Variants in EIF4G3 observed in about 807,000 individuals in gnomAD.
EIF4G3 encodes the protein eIF-4-gamma 3.
In EIF4G3, 34 loss-of-function variants were observed where a neutral mutation model predicts 186.4. The ratio of observed to expected loss-of-function variants is 0.18; its 90% CI spans 0.14 to 0.24. The LOEUF (loss-of-function observed/expected upper bound fraction) is 0.24, where lower values mean the gene tolerates loss of function less well. EIF4G3 is among the 10% of genes least tolerant of loss of function. EIF4G3 has a pLI of 1.00. For synonymous variants in EIF4G3, 673 were observed against 679.5 expected (o/e 0.99, Z 0.15); for missense variants, 1,536 against 1,948.5 (o/e 0.79, Z 3.99).
At chr1:21,164,343 T>A (rs1020093056) in intron 2 of EIF4G3, among the ~76,000 whole-genome samples, 1 of 152,142 alleles carries the variant, frequency 6.6e-6, no homozygotes, top group Admixed American at 6.6e-5. Context: ...TAAAAAAGGA[T>A]AGAAATGGTC....
chr1:21,062,784 T>C (rs2094992508), intron 3 of EIF4G3, among the ~76,000 whole-genome samples: 2 of 151,968 alleles, frequency 1.3e-5, no homozygotes, highest in African/African-American at 4.8e-5. Flanking sequence ...AGAAACAGGG[T>C]TTTACCATGT....
At chr1:21,009,132 T>C (rs2086199317) in intron 4 of EIF4G3, among the ~76,000 whole-genome samples, 1 of 152,224 alleles carries the variant, frequency 6.6e-6, no homozygotes, top group African/African-American at 2.4e-5. Context: ...GCTTTAAAAT[T>C]TCTCTTTATA....
intron 30 of EIF4G3, among the ~76,000 whole-genome samples, chr1:20,834,520 T>C (rs947305011): frequency 1.3e-5 from 2 of 151,946 alleles, no homozygotes; most frequent in African/African-American, 4.8e-5. Context: ...AGGACATTCA[T>C]AGACTGAAAA....
At chr1:21,030,331 C>A (rs2092625321) in intron 4 of EIF4G3, among the ~76,000 whole-genome samples, 1 of 152,154 alleles carries the variant, frequency 6.6e-6, no homozygotes, top group Non-Finnish European at 1.5e-5. Context: ...GGAGGCAGGT[C>A]TTTTCCTGTG....
At chr1:20,899,555 G>A in intron 16 of EIF4G3, 142 bp downstream of exon 16, 1 of 1,005,998 alleles carries the variant, frequency 9.9e-7, no homozygotes, top group Non-Finnish European at 1.4e-6. Flanking sequence ...TCACTAACTT[G>A]GGCTTGCTGA....
intron 2 of EIF4G3, among the ~76,000 whole-genome samples, chr1:21,122,492 T>G (rs1221726822): frequency 1.3e-5 from 2 of 152,264 alleles, no homozygotes; most frequent in Non-Finnish European, 2.9e-5. Flanking sequence ...TTACTTTTTT[T>G]GCATGTCATA....
At chr1:20,935,566 A>C (rs1427610111) in intron 14 of EIF4G3, among the ~76,000 whole-genome samples, 1 of 152,198 alleles carries the variant, frequency 6.6e-6, no homozygotes, top group East Asian at 1.9e-4. Context: ...TAAATTTTTA[A>C]GGATACATAA....
chr1:21,033,938 A>T (rs112288243), intron 4 of EIF4G3, among the ~76,000 whole-genome samples: 162 of 152,240 alleles, frequency 1.1e-3, no homozygotes, highest in African/African-American at 3.8e-3. Flanking sequence ...AAATTTTACA[A>T]ATTAGCTGGG....
rs1293882608 is a variant in EIF4G3, at chr1:21,117,735, G to GT, written c.-271-28523dup. Among the ~76,000 whole-genome samples, 69 of 20,708 alleles carry GT rather than the reference G, an allele frequency of 3.3e-3. 1 individual carries two copies. The East Asian group carries it at 0.048, about 14-fold the overall frequency. 13.6% of individuals were successfully genotyped at this position (20,708 alleles called of 152,430 possible). A position where few individuals can be genotyped will look rare whatever the true frequency, so the allele number is the denominator to read the frequency against. ...AGGCCTTTCACTGTCCCAGTATATA[G>GT]TAAAAAAAAAAAAAAAAAAAAAAAA... is the stretch of plus-strand genomic sequence containing the variant. On this transcript the variant is annotated intron_variant, in intron 2 of 36. Coordinates refer to ENST00000602326, the MANE Select transcript of EIF4G3 (RefSeq NM_001391906.1).
At chr1:21,115,108 T>C (rs2102259616) in intron 2 of EIF4G3, among the ~76,000 whole-genome samples, 1 of 152,350 alleles carries the variant, frequency 6.6e-6, no homozygotes, top group East Asian at 1.9e-4. Context: ...TATCATGTGT[T>C]CACTGGAGCA....
chr1:20,944,378 G>C (rs1352879644), intron 13 of EIF4G3, among the ~76,000 whole-genome samples: 1 of 152,038 alleles, frequency 6.6e-6, no homozygotes, highest in Non-Finnish European at 1.5e-5. Context: ...AGCCAGGTGA[G>C]GTGGCGCAGA....
At chr1:20,838,231 A>T (rs1363371194) in intron 30 of EIF4G3, among the ~76,000 whole-genome samples, 2 of 152,316 alleles carry the variant, frequency 1.3e-5, no homozygotes, top group East Asian at 3.9e-4. Context: ...CACAAGTTCA[A>T]TTATAGCCAA....
intron 7 of EIF4G3, among the ~76,000 whole-genome samples, chr1:20,992,901 C>T (rs1003471785): frequency 2.0e-5 from 3 of 152,062 alleles, no homozygotes; most frequent in South Asian, 4.1e-4. Context: ...CCAAATTATA[C>T]CAAGTGGCTT....
At chr1:20,815,419 G>A (rs1316727967) in intron 34 of EIF4G3, among the ~76,000 whole-genome samples, 2 of 142,738 alleles carry the variant, frequency 1.4e-5, no homozygotes, top group Admixed American at 7.0e-5. Context: ...AGTGGGGAGC[G>A]CCTCTGCCCC....
At chr1:21,169,528 T>C (rs2097917585) in intron 2 of EIF4G3, 1 of 152,190 alleles carries the variant, frequency 6.6e-6, no homozygotes, top group Non-Finnish European at 1.5e-5. Context: ...TTTTTTACTT[T>C]TCTATATTTT....
intron 4 of EIF4G3, among the ~76,000 whole-genome samples, chr1:21,029,279 C>T (rs2092498720): frequency 6.6e-6 from 1 of 152,096 alleles, no homozygotes; most frequent in Non-Finnish European, 1.5e-5. Flanking sequence ...CTCAGCCTCC[C>T]AAAGTGCTGG....
At chr1:21,071,826 A>AG (rs1425234319) in intron 3 of EIF4G3, among the ~76,000 whole-genome samples, 3 of 151,804 alleles carry the variant, frequency 2.0e-5, no homozygotes, top group African/African-American at 7.2e-5. Flanking sequence ...AAAGAGAGAG[A>AG]GGAAAAAAAA....
chr1:20,938,549 C>T lies in EIF4G3; in HGVS notation c.1663+2942G>A, dbSNP rs898643559. On this transcript the variant is annotated intron_variant, in intron 14 of 36. Coordinates refer to ENST00000602326, the MANE Select transcript of EIF4G3 (RefSeq NM_001391906.1). ...CCAAAAGACTCATAGGCAAACCAGACTGTTTTGGTGTTACAATTTATTAAC... is the reference window on the plus strand; with the variant it reads ...CCAAAAGACTCATAGGCAAACCAGATTGTTTTGGTGTTACAATTTATTAAC... Among the ~76,000 whole-genome samples, 7 of 152,292 alleles carry T rather than the reference C, an allele frequency of 4.6e-5. No homozygotes were observed. In the South Asian group the frequency reaches 1.4e-3, roughly 32 times the overall value.
intron 3 of EIF4G3, among the ~76,000 whole-genome samples, chr1:21,081,387 C>T (rs2100817585): frequency 6.6e-6 from 1 of 152,184 alleles, no homozygotes; most frequent in African/African-American, 2.4e-5. Context: ...GAGCCAAGAT[C>T]GCACCACTGC....
Sources: allele counts gnomAD v4.1 joint callset (sites outside exome capture counted in the v4.1 genomes callset), GRCh38; gene constraint gnomAD v4.1.1; transcripts MANE v1.5; gene names NCBI Gene and HGNC (gene_info 2026-07-23, HGNC 2026-07-21).